The following SNX29 variants were observed in gnomAD, a reference collection of about 807,000 sequenced individuals.
SNX29 encodes sorting nexin-29.
Under a neutral mutation model 102.1 loss-of-function variants are expected in SNX29, and 78 were observed. The ratio of observed to expected loss-of-function variants is 0.76; its 90% confidence interval spans 0.64 to 0.92. The LOEUF is 0.92. Among genes scored for constraint, SNX29 ranks in the 40% least tolerant of loss-of-function variants. The pLI is 0.00. For synonymous variants in SNX29, 580 were observed against 414.5 expected, an observed-to-expected ratio of 1.40 and a Z score of -4.85; for missense variants, 1,280 against 1,061.7, an observed-to-expected ratio of 1.21 and a Z score of -2.86.
intron 15 of SNX29, among the ~76,000 whole-genome samples, chr16:12,336,511 A>G (rs987981525): frequency 6.6e-6 from 1 of 152,182 alleles, no homozygotes; most frequent in African/African-American, 2.4e-5. Context: ...CAGAGAAAAG[A>G]TATTGGAATA....
chr16:12,460,989 G>A (rs1689315074), intron 18 of SNX29, among the ~76,000 whole-genome samples: 1 of 152,156 alleles, frequency 6.6e-6, no homozygotes, highest in African/African-American at 2.4e-5. Flanking sequence ...GCTAATAATA[G>A]CCGACTTTTG....
intron 11 of SNX29, chr16:12,090,353 C>T (rs1401162567): frequency 6.6e-6 from 1 of 152,250 alleles, no homozygotes; most frequent in Admixed American, 6.5e-5. Flanking sequence ...TCTAGTTCTT[C>T]CGGGTTAGGA....
At chr16:12,400,531 C>T (rs1008421494) in intron 17 of SNX29, among the ~76,000 whole-genome samples, 54 of 152,212 alleles carry the variant, frequency 3.5e-4, no homozygotes, top group African/African-American at 1.1e-3. Context: ...CCTTTCTCAT[C>T]CTCAACTTGG....
intron 20 of SNX29, among the ~76,000 whole-genome samples, chr16:12,563,606 A>G (rs1019815032): frequency 7.2e-6 from 1 of 139,218 alleles, no homozygotes; most frequent in Non-Finnish European, 1.5e-5. Flanking sequence ...CTGTATCACC[A>G]CATCTCACAG....
intron 18 of SNX29, among the ~76,000 whole-genome samples, chr16:12,464,638 G>T (rs1597473732): frequency 6.6e-6 from 1 of 151,916 alleles, no homozygotes; most frequent in Non-Finnish European, 1.5e-5. Context: ...AACTTTTTTT[G>T]TAGAGACAGT....
chr16:12,495,153 C>T lies in SNX29; in HGVS notation c.2178+17294C>T, dbSNP rs141189592. Reference sequence around the variant, plus strand: ...TGGCAGGTCTCAATGGCAATTCTTTCGTTTTCTTTTTTCTTTTTTTTGAGT... The same window carrying T: ...TGGCAGGTCTCAATGGCAATTCTTTTGTTTTCTTTTTTCTTTTTTTTGAGT... On this transcript the variant is annotated intron_variant, in intron 19 of 20. Transcript: ENST00000566228. 3.2e-3 allele frequency among the ~76,000 whole-genome samples: 483 copies of T among 152,184 alleles called. 1 individual carries two copies. The highest frequency in any genetic ancestry group is 7.1e-3 in the Admixed American group (108 of 15,274).
intron 19 of SNX29, among the ~76,000 whole-genome samples, chr16:12,481,507 C>A (rs2087922648): frequency 7.8e-6 from 1 of 128,354 alleles, no homozygotes. Context: ...TGTACATATA[C>A]ATATAGACAC....
intron 14 of SNX29, among the ~76,000 whole-genome samples, chr16:12,239,269 T>C (rs1467029809): frequency 6.6e-6 from 1 of 152,180 alleles, no homozygotes; most frequent in Non-Finnish European, 1.5e-5. Context: ...AAGTGCATTC[T>C]GTACCTGACA....
At chr16:12,204,557 A>G (rs2141997908) in intron 14 of SNX29, among the ~76,000 whole-genome samples, 1 of 152,322 alleles carries the variant, frequency 6.6e-6, no homozygotes, top group East Asian at 1.9e-4. Context: ...TCCCCATTTA[A>G]TTAATCTGCA....
At chr16:12,158,198 T>A (rs2456272) in intron 13 of SNX29, among the ~76,000 whole-genome samples, 64,882 of 151,818 alleles carry the variant, frequency 0.43, 18,522 homozygotes, top group African/African-American at 0.82. Flanking sequence ...ATTTTTTTAA[T>A]TTTTTTATTT....
At chr16:12,504,898 A>G (rs2089302508) in intron 19 of SNX29, among the ~76,000 whole-genome samples, 1 of 152,132 alleles carries the variant, frequency 6.6e-6, no homozygotes, top group African/African-American at 2.4e-5. Context: ...GTCAAATAAT[A>G]TTTCATTGTG....
intron 15 of SNX29, among the ~76,000 whole-genome samples, chr16:12,312,974 C>T (rs2080609418): frequency 6.6e-6 from 1 of 151,394 alleles, no homozygotes; most frequent in Non-Finnish European, 1.5e-5. Context: ...TCAGGTCTAG[C>T]ATTGTCATAA....
chr16:12,122,617 C>T (rs1390476563), intron 11 of SNX29, among the ~76,000 whole-genome samples: 1 of 151,950 alleles, frequency 6.6e-6, no homozygotes, highest in African/African-American at 2.4e-5. Flanking sequence ...GGAGTCTAAC[C>T]AAGGGGGAGC....
intron 20 of SNX29, among the ~76,000 whole-genome samples, chr16:12,533,269 G>T (rs1047462798): frequency 6.6e-6 from 1 of 152,264 alleles, no homozygotes; most frequent in African/African-American, 2.4e-5. Context: ...GTGCTTTGCA[G>T]AATCCGTAGC....
chr16:12,565,474 T>C (rs1489767052), intron 20 of SNX29, among the ~76,000 whole-genome samples: 1 of 152,144 alleles, frequency 6.6e-6, no homozygotes, highest in Non-Finnish European at 1.5e-5. Flanking sequence ...TCTCAAACCA[T>C]CACAGCACCC....
rs548380478 is a variant in SNX29, at chr16:12,001,157, GCTGGAGTACAGTGGTGCAGTCT to G, written c.69+1801_70-1811del. The stretch of plus-strand genomic sequence containing the variant: ...GATGGAGTCTAGCTCTGTCGCCCGG[GCTGGAGTACAGTGGTGCAGTCT>G]CAGCTCACTGCAACCTCTGTCTCCT... On this transcript the variant is annotated intron_variant, in intron 2 of 20. Transcript: ENST00000566228. Among the ~76,000 whole-genome samples, 921 of 152,272 alleles carry G rather than the reference GCTGGAGTACAGTGGTGCAGTCT, an allele frequency of 6.0e-3. 5 individuals are homozygous for G. Among genetic ancestry groups the G allele is most frequent in the African/African-American group, 0.021 (852 of 41,550 alleles).
At position 12,243,579 on chromosome 16, in the gene SNX29, T is replaced by G. The variant is rs149257407; in HGVS notation, c.1679-34354T>G. Reference sequence around the variant, plus strand: ...CAACCTTTTGGGCAACAGGGACCTGTTTCATGGAAGACAATTTTTTCATGG... The same window carrying G: ...CAACCTTTTGGGCAACAGGGACCTGGTTCATGGAAGACAATTTTTTCATGG... On this transcript the variant is annotated intron_variant, in intron 14 of 20. Transcript: ENST00000566228. Among the ~76,000 whole-genome samples the G allele has an allele frequency of 3.7e-3, 558 of 152,322 alleles. 4 individuals are homozygous for G. Among genetic ancestry groups the G allele is most frequent in the African/African-American group, 0.013 (531 of 41,574 alleles).
At chr16:12,118,966 A>G (rs1004232357) in intron 11 of SNX29, among the ~76,000 whole-genome samples, 2 of 152,236 alleles carry the variant, frequency 1.3e-5, no homozygotes, top group African/African-American at 4.8e-5. Flanking sequence ...ATGGCGGTGC[A>G]AATGTGTGCT....
At chr16:12,543,055 C>T (rs1431396824) in intron 20 of SNX29, among the ~76,000 whole-genome samples, 4 of 152,142 alleles carry the variant, frequency 2.6e-5, no homozygotes, top group Non-Finnish European at 5.9e-5. Flanking sequence ...GTCACCAGGA[C>T]CCTGTTGGTT....
Sources: allele counts gnomAD v4.1 joint callset (sites outside exome capture counted in the v4.1 genomes callset), GRCh38; gene constraint gnomAD v4.1.1; transcripts MANE v1.5; gene names NCBI Gene and HGNC (gene_info 2026-07-23, HGNC 2026-07-21).